The following FAM171A1 variants were observed in gnomAD, a reference collection of about 807,000 sequenced individuals.
FAM171A1 encodes the protein protein FAM171A1.
Under a neutral mutation model 74.9 loss-of-function variants are expected in FAM171A1, and 23 were observed. The ratio of observed to expected loss-of-function variants is 0.31; its 90% confidence interval spans 0.22 to 0.44. FAM171A1 has a LOEUF of 0.44. FAM171A1 is among the 20% of genes least tolerant of loss of function. The pLI, the probability that FAM171A1 is intolerant of heterozygous loss-of-function variation, is 1.00. For missense variants in FAM171A1, 1,162 were observed against 1,159.2 expected, an observed-to-expected ratio of 1.00 and a Z score of -0.03; for synonymous variants, 527 against 505.7, an observed-to-expected ratio of 1.04 and a Z score of -0.57.
chr10:15,277,197 A>G (rs1310261643), intron 2 of FAM171A1, among the ~76,000 whole-genome samples: 1 of 152,174 alleles, frequency 6.6e-6, no homozygotes, highest in Non-Finnish European at 1.5e-5. Flanking sequence ...TAAGCTTCAA[A>G]ACAGCTCTAT....
intron 1 of FAM171A1, among the ~76,000 whole-genome samples, chr10:15,363,107 T>A (rs542596593): frequency 4.0e-5 from 6 of 151,632 alleles, no homozygotes; most frequent in Admixed American, 3.9e-4. Flanking sequence ...AGAGCAACTA[T>A]GGAAAGGAGG....
At chr10:15,354,579 G>C (rs1217636384) in intron 1 of FAM171A1, among the ~76,000 whole-genome samples, 1 of 152,198 alleles carries the variant, frequency 6.6e-6, no homozygotes, top group Non-Finnish European at 1.5e-5. Flanking sequence ...CGCCTGGGGA[G>C]CCAGGCCCGG....
intron 4 of FAM171A1, among the ~76,000 whole-genome samples, chr10:15,252,774 A>G (rs1280459191): frequency 1.3e-5 from 2 of 152,208 alleles, no homozygotes; most frequent in Admixed American, 6.5e-5. Context: ...AAATCACGGA[A>G]TGATCTTAAA....
intron 2 of FAM171A1, among the ~76,000 whole-genome samples, chr10:15,282,991 G>A (rs765348465): frequency 6.6e-6 from 1 of 152,152 alleles, no homozygotes; most frequent in African/African-American, 2.4e-5. Context: ...ACTAAAGGCC[G>A]AATATGCTCA....
chr10:15,306,796 G>A (rs1438069408), intron 1 of FAM171A1, among the ~76,000 whole-genome samples: 2 of 152,186 alleles, frequency 1.3e-5, no homozygotes, highest in African/African-American at 4.8e-5. Flanking sequence ...TCTGCAGCCA[G>A]AGAAGCAGCA....
intron 5 of FAM171A1, among the ~76,000 whole-genome samples, chr10:15,229,865 C>T: frequency 6.4e-5 from 3 of 47,018 alleles, no homozygotes; most frequent in Non-Finnish European, 4.6e-5. Flanking sequence ...CCATCACCCC[C>T]ATCACCATCA....
intron 1 of FAM171A1, among the ~76,000 whole-genome samples, chr10:15,298,857 C>A (rs1835192798): frequency 6.6e-6 from 1 of 152,186 alleles, no homozygotes; most frequent in Admixed American, 6.5e-5. Flanking sequence ...AGAGGACCCA[C>A]AAGGATTTCT....
chr10:15,238,958 C>A (rs899281018), intron 5 of FAM171A1, among the ~76,000 whole-genome samples: 4 of 150,332 alleles, frequency 2.7e-5, no homozygotes, highest in Admixed American at 2.7e-4. Flanking sequence ...ATACAGGATC[C>A]GTAAATCTTT....
At chr10:15,290,096 T>C (rs4750618) in intron 1 of FAM171A1, among the ~76,000 whole-genome samples, 150,665 of 152,228 alleles carry the variant, frequency 0.99, 74,576 homozygotes, top group Middle Eastern at 1. Context: ...GGTGTGGTAG[T>C]ACACGCTTGT....
chr10:15,312,673 G>GGTTTTTT (rs1835374892), intron 1 of FAM171A1, among the ~76,000 whole-genome samples: 1 of 36,382 alleles, frequency 2.7e-5, no homozygotes, highest in African/African-American at 1.2e-4. Flanking sequence ...AGCACTGTGT[G>GGTTTTTT]TTTTTTTTTT....
chr10:15,313,866 A>G lies in FAM171A1; in HGVS notation c.98-29761T>C, dbSNP rs531276714. Among the ~76,000 whole-genome samples the G allele has an allele frequency of 2.9e-4, 44 of 152,340 alleles. No individual in the cohort carries two copies. In the East Asian group the frequency reaches 7.9e-3, roughly 27 times the overall value. On this transcript the variant is annotated intron_variant, in intron 1 of 7. Coordinates refer to ENST00000378116, the MANE Select transcript of FAM171A1 (RefSeq NM_001010924.2). ...GAAAAGCAAGCCTCCACCTTCCCCA[A>G]CCGAGGGTTGATCTGTTTCCTGCCA...
At chr10:15,272,522 C>G (rs1468594745) in intron 3 of FAM171A1, among the ~76,000 whole-genome samples, 2 of 152,184 alleles carry the variant, frequency 1.3e-5, no homozygotes, top group Non-Finnish European at 1.5e-5. Context: ...GACTTGAACT[C>G]AGCTCTGCAC....
chr10:15,300,740 A>G (rs1835218521), intron 1 of FAM171A1, among the ~76,000 whole-genome samples: 1 of 152,138 alleles, frequency 6.6e-6, no homozygotes, highest in Non-Finnish European at 1.5e-5. Context: ...GAGTTTTCTC[A>G]TCTGTAAGAA....
chr10:15,263,434 C>T (rs1040903863), intron 3 of FAM171A1, among the ~76,000 whole-genome samples: 2 of 152,220 alleles, frequency 1.3e-5, no homozygotes, highest in African/African-American at 2.4e-5. Context: ...GAAAATGATT[C>T]GTATAATTTA....
chr10:15,288,433 T>A (rs1371907739), intron 1 of FAM171A1, among the ~76,000 whole-genome samples: 3 of 152,220 alleles, frequency 2.0e-5, no homozygotes, highest in African/African-American at 7.2e-5. Flanking sequence ...GAATCCAGTG[T>A]GTAGTCTTTA....
intron 3 of FAM171A1, among the ~76,000 whole-genome samples, chr10:15,273,341 C>A (rs949355103): frequency 6.6e-6 from 1 of 152,036 alleles, no homozygotes; most frequent in African/African-American, 2.4e-5. Context: ...GACTAAACCA[C>A]GAAGAAGTTG....
At chr10:15,345,214 A>C (rs1209350267) in intron 1 of FAM171A1, among the ~76,000 whole-genome samples, 1 of 152,172 alleles carries the variant, frequency 6.6e-6, no homozygotes, top group Non-Finnish European at 1.5e-5. Context: ...TTTTCAGAAA[A>C]CACTGCGCAG....
chr10:15,355,605 C>G (rs1480960438), intron 1 of FAM171A1, among the ~76,000 whole-genome samples: 2 of 152,062 alleles, frequency 1.3e-5, no homozygotes, highest in Non-Finnish European at 2.9e-5. Flanking sequence ...GTAGTCCCAG[C>G]TACTTGAGAC....
chr10:15,256,760 A>G (rs1013656743), intron 3 of FAM171A1, among the ~76,000 whole-genome samples: 17 of 152,072 alleles, frequency 1.1e-4, no homozygotes, highest in African/African-American at 3.9e-4. Context: ...GGAGAGTTCA[A>G]ATTCCTCGGG....
Sources: allele counts gnomAD v4.1 joint callset (sites outside exome capture counted in the v4.1 genomes callset), GRCh38; gene constraint gnomAD v4.1.1; transcripts MANE v1.5; gene names NCBI Gene and HGNC (gene_info 2026-07-23, HGNC 2026-07-21).